SLC44A5: variants seen among roughly 807,000 people sequenced by gnomAD.
SLC44A5 encodes solute carrier family 44 member 5.
A neutral mutation model predicts 101.8 loss-of-function variants in SLC44A5; 57 were observed. The ratio of observed to expected loss-of-function variants is 0.56; its 90% CI spans 0.45 to 0.70. The LOEUF is 0.70. SLC44A5 is among the 30% of genes least tolerant of loss of function. The probability of loss-of-function intolerance (pLI) is 0.00; values close to 1 mark genes in which losing one functional copy is unlikely to be tolerated. For synonymous variants in SLC44A5, 281 were observed against 290.9 expected (o/e 0.97, Z 0.35); for missense variants, 737 against 853.1 (o/e 0.86, Z 1.70).
At position 75,534,281 on chromosome 1, in the gene SLC44A5, G is replaced by GA. The variant is rs1326376323; in HGVS notation, c.13+7153dup. On this transcript the variant is annotated intron_variant, in intron 2 of 23. Coordinates refer to ENST00000370859, the MANE Select transcript of SLC44A5 (RefSeq NM_001130058.2). Reference sequence around the variant, plus strand: ...AAAATGGAGTCACTTATGTAAAAAAGAAAAAAAAAATAAAGCCGGGCTCCA... The same window carrying GA: ...AAAATGGAGTCACTTATGTAAAAAAGAAAAAAAAAAATAAAGCCGGGCTCCA... Among the ~76,000 whole-genome samples the GA allele has an allele frequency of 1.6e-4, 24 of 148,326 alleles. No homozygotes were observed. In the South Asian group the frequency reaches 3.4e-3, roughly 21 times the overall value.
At chr1:75,445,516 A>G (rs1665504973) in intron 2 of SLC44A5, among the ~76,000 whole-genome samples, 1 of 123,672 alleles carries the variant, frequency 8.1e-6, no homozygotes, top group African/African-American at 2.9e-5. Context: ...CACACAATAT[A>G]ATATATGTAT....
intron 3 of SLC44A5, among the ~76,000 whole-genome samples, chr1:75,366,423 T>C (rs1659862841): frequency 6.6e-6 from 1 of 152,156 alleles, no homozygotes; most frequent in African/African-American, 2.4e-5. Context: ...GTGTGATGAG[T>C]CATTTTTCTC....
At chr1:75,448,578 A>T (rs909620177) in intron 2 of SLC44A5, among the ~76,000 whole-genome samples, 22 of 152,196 alleles carry the variant, frequency 1.4e-4, no homozygotes, top group African/African-American at 5.1e-4. Flanking sequence ...AATCTAATCC[A>T]TCACTGAGGT....
In SLC44A5 at chr1:75,242,975, A is replaced by G. The variant is rs764351005; in HGVS notation, c.382T>C (p.Tyr128His). 27 of 1,612,354 alleles carry G rather than the reference A, an allele frequency of 1.7e-5. No homozygotes were observed. The highest frequency in any genetic ancestry group is 2.1e-5 in the Non-Finnish European group (25 of 1,179,160). ...VSKCPEKFLT[Y>H]VEMQLLYTKD... ...GTGTACAAAAGTTGCATTTCCACAT[A>G]GGTTAAAAATTTTTCTGGGCACTTG... Residue 128 changes from tyrosine to histidine, a missense_variant, in exon 8 of 24, where the codon TAT becomes CAT. Coordinates refer to ENST00000370859, the MANE Select transcript of SLC44A5 (RefSeq NM_001130058.2).
At chr1:75,413,353 A>C (rs1663405977) in intron 2 of SLC44A5, among the ~76,000 whole-genome samples, 1 of 152,238 alleles carries the variant, frequency 6.6e-6, no homozygotes, top group African/African-American at 2.4e-5. Flanking sequence ...AGAGTTTGCT[A>C]TTCTGTCTTC....
intron 6 of SLC44A5, among the ~76,000 whole-genome samples, chr1:75,267,157 T>C (rs1651063757): frequency 6.6e-6 from 1 of 152,202 alleles, no homozygotes; most frequent in African/African-American, 2.4e-5. Context: ...AAAGTGCTTT[T>C]AGAAGGCCAA....
intron 6 of SLC44A5, among the ~76,000 whole-genome samples, chr1:75,274,534 C>T (rs1193624235): frequency 1.3e-5 from 2 of 151,988 alleles, no homozygotes; most frequent in African/African-American, 4.8e-5. Context: ...CTGGGTGTGC[C>T]CCTTACTTCG....
At chr1:75,243,950 C>A (rs1006459371) in intron 7 of SLC44A5, among the ~76,000 whole-genome samples, 1 of 152,092 alleles carries the variant, frequency 6.6e-6, no homozygotes, top group South Asian at 2.1e-4. Context: ...TTAGAAAGAG[C>A]CTGGCACCTC....
intron 1 of SLC44A5, among the ~76,000 whole-genome samples, chr1:75,606,872 C>T (rs1353352772): frequency 6.6e-6 from 1 of 152,000 alleles, no homozygotes; most frequent in Non-Finnish European, 1.5e-5. Flanking sequence ...TCACCAGTTG[C>T]TCTTTCTCAA....
At chr1:75,302,140 T>TTTTTTTTTTTTTTTTAA (rs1570618519) in intron 4 of SLC44A5, among the ~76,000 whole-genome samples, 1 of 127,358 alleles carries the variant, frequency 7.9e-6, no homozygotes, top group African/African-American at 2.7e-5. Flanking sequence ...TTTTTTTGGT[T>TTTTTTTTTTTTTTTTAA]AACAACCATT....
chr1:75,698,417 C>T, the SLC44A5 span, among the ~76,000 whole-genome samples: 1 of 152,160 alleles, frequency 6.6e-6, no homozygotes, highest in Non-Finnish European at 1.5e-5. Context: ...CGGCCAGGTA[C>T]TCCAACAGAC....
At chr1:75,335,986 T>C (rs577279355) in intron 4 of SLC44A5, among the ~76,000 whole-genome samples, 1 of 152,236 alleles carries the variant, frequency 6.6e-6, no homozygotes, top group South Asian at 2.1e-4. Flanking sequence ...TTCATATGCT[T>C]GTGGGGTCTT....
At chr1:75,528,574 T>C (rs1438146054) in intron 2 of SLC44A5, among the ~76,000 whole-genome samples, 1 of 152,146 alleles carries the variant, frequency 6.6e-6, no homozygotes, top group Non-Finnish European at 1.5e-5. Context: ...AGTCTCCTCA[T>C]TTGTCCCACT....
intron 1 of SLC44A5, among the ~76,000 whole-genome samples, chr1:75,560,959 A>C (rs973849053): frequency 2.0e-5 from 3 of 152,156 alleles, no homozygotes; most frequent in African/African-American, 7.2e-5. Context: ...GCTACATCTG[A>C]TGTAAAAGTC....
rs201160398 is a variant in SLC44A5 at position 75,234,089 on chromosome 1, C to T, written c.750G>A (p.Thr250=). Residue 250 remains threonine, a synonymous_variant, in exon 12 of 24, where the codon ACG becomes ACA. Transcript: ENST00000370859. ...RTWYWILIGL[T]IAMVLSWIFL... ...ATATCCAACTAAGGACCATGGCAAT[C>T]GTCAGGCCACTAGAAAAAACCCACA... 1.5e-4 allele frequency: 244 copies of T among 1,612,324 alleles called. No individual in the cohort carries two copies. Among genetic ancestry groups the T allele is most frequent in the Non-Finnish European group, 2.0e-4 (238 of 1,178,752 alleles).
intron 2 of SLC44A5, among the ~76,000 whole-genome samples, chr1:75,428,503 C>T (rs1346010110): frequency 1.4e-4 from 21 of 152,100 alleles, no homozygotes; most frequent in Admixed American, 1.4e-3. Context: ...TGTCTGCTAA[C>T]TCAAATGAAG....
chr1:75,575,195 C>T (rs1259192632), intron 1 of SLC44A5, among the ~76,000 whole-genome samples: 2 of 152,124 alleles, frequency 1.3e-5, no homozygotes, highest in Non-Finnish European at 2.9e-5. Context: ...TCGATGCAGC[C>T]TAATATTAAA....
chr1:75,576,207 T>G (rs1436532239), intron 1 of SLC44A5, among the ~76,000 whole-genome samples: 1 of 148,886 alleles, frequency 6.7e-6, no homozygotes, highest in South Asian at 2.1e-4. Context: ...AGATGAGAGA[T>G]AGATAGAGAT....
the SLC44A5 span, among the ~76,000 whole-genome samples, chr1:75,699,599 G>GAAA: frequency 3.5e-3 from 361 of 102,074 alleles, 3 homozygotes; most frequent in African/African-American, 0.012. Context: ...ACCAATTAAC[G>GAAA]AAAAAAAAAA....
Sources: allele counts gnomAD v4.1 joint callset (sites outside exome capture counted in the v4.1 genomes callset), GRCh38; gene constraint gnomAD v4.1.1; transcripts MANE v1.5; gene names NCBI Gene and HGNC (gene_info 2026-07-23, HGNC 2026-07-21).